Variants in RBFOX1 observed in about 807,000 individuals in gnomAD.
The protein encoded by RBFOX1 is RNA binding protein fox-1 homolog 1.
In RBFOX1, 8 loss-of-function variants were observed where a neutral mutation model predicts 57.7. The ratio of observed to expected loss-of-function variants is 0.14; its 90% CI spans 0.08 to 0.25. RBFOX1 has a LOEUF of 0.25. Ranked by LOEUF, RBFOX1 falls within the 10% of genes least tolerant of loss-of-function variation. The pLI is 1.00. For synonymous variants in RBFOX1, 326 were observed against 222.4 expected, an observed-to-expected ratio of 1.47 and a Z score of -4.15; for missense variants, 611 against 548.5, an observed-to-expected ratio of 1.11 and a Z score of -1.14.
chr16:6,615,452 C>G lies in RBFOX1; in HGVS notation c.-63-39151C>G, dbSNP rs375510654. On this transcript the variant is annotated intron_variant, in intron 2 of 15. Transcript: ENST00000550418. ...GGGTGTGCTGGTGGGTGCCTGTAAT[C>G]CCAACTACTTGGGAGGCTGAGGCAG... 1.4e-4 allele frequency among the ~76,000 whole-genome samples: 22 copies of G among 152,144 alleles called. 1 individual carries two copies. In the East Asian group the frequency reaches 3.5e-3, roughly 24 times the overall value.
At chr16:7,490,500 G>C (rs1477447338) in intron 4 of RBFOX1, among the ~76,000 whole-genome samples, 1 of 152,206 alleles carries the variant, frequency 6.6e-6, no homozygotes, top group African/African-American at 2.4e-5. Flanking sequence ...GGTTGAGTCT[G>C]ACATGGAAGG....
At chr16:5,518,507 C>G (rs1349859064) in intron 2 of RBFOX1, among the ~76,000 whole-genome samples, 1 of 152,280 alleles carries the variant, frequency 6.6e-6, no homozygotes, top group South Asian at 2.1e-4. Flanking sequence ...GAAGGACAAA[C>G]TAATTAAGTG....
chr16:7,691,222 T>G (rs2147412157), intron 14 of RBFOX1, among the ~76,000 whole-genome samples: 1 of 152,122 alleles, frequency 6.6e-6, no homozygotes, highest in South Asian at 2.1e-4. Context: ...TTGAAACAGA[T>G]GTGAATTTGT....
At chr16:6,521,164 A>T (rs1028951978) in intron 2 of RBFOX1, among the ~76,000 whole-genome samples, 2 of 152,098 alleles carry the variant, frequency 1.3e-5, no homozygotes, top group African/African-American at 4.8e-5. Flanking sequence ...AATAAATGGG[A>T]GAAGAAAAAT....
chr16:6,019,404 G>A lies in RBFOX1; in HGVS notation c.-715G>A. 1.0e-6 allele frequency: 1 copy of A among 986,650 alleles called. No homozygotes were observed. The highest frequency in any genetic ancestry group is 1.2e-6 in the Non-Finnish European group (1 of 830,910). The allele number at this position is 986,650 out of a possible 1,614,324, so 61.1% of individuals were successfully genotyped here. A position where few individuals can be genotyped will look rare whatever the true frequency, so the allele number is the denominator to read the frequency against. ...GAAGTGGTTCTCCAAGCAGCGCGGA[G>A]GGTGGCGGACGGCGGACGGAGCCCA... On this transcript the variant is annotated 5_prime_UTR_variant, in exon 1 of 16. Coordinates refer to ENST00000550418, the MANE Select transcript of RBFOX1 (RefSeq NM_018723.4). The surrounding 1 kb of genome is among the most constrained non-coding windows in gnomAD (Gnocchi z 4.2).
At chr16:7,096,931 C>CAAAAAAAAAA (rs59519427) in intron 4 of RBFOX1, among the ~76,000 whole-genome samples, 2 of 69,114 alleles carry the variant, frequency 2.9e-5, no homozygotes, top group Non-Finnish European at 5.1e-5. Flanking sequence ...GACTCCATCT[C>CAAAAAAAAAA]AAAAAAAAAA....
chr16:6,746,234 G>C (rs1002586968), intron 3 of RBFOX1, among the ~76,000 whole-genome samples: 1 of 151,900 alleles, frequency 6.6e-6, no homozygotes, highest in Non-Finnish European at 1.5e-5. Context: ...ACCCCAGCAG[G>C]CCTTTTTTTC....
intron 1 of RBFOX1, among the ~76,000 whole-genome samples, chr16:5,259,840 C>A (rs1208778968): frequency 6.6e-6 from 1 of 152,104 alleles, no homozygotes; most frequent in Non-Finnish European, 1.5e-5. Context: ...GTTTTCACTC[C>A]TGTTTAACAC....
chr16:5,906,830 G>C (rs139245448), intron 4 of RBFOX1, among the ~76,000 whole-genome samples: 2 of 147,812 alleles, frequency 1.4e-5, no homozygotes, highest in African/African-American at 5.1e-5. Flanking sequence ...CACCTCTCGG[G>C]GTCAAGCAAT....
At chr16:5,756,288 C>T (rs376555061) in intron 3 of RBFOX1, among the ~76,000 whole-genome samples, 12 of 147,236 alleles carry the variant, frequency 8.2e-5, no homozygotes, top group East Asian at 4.1e-4. Flanking sequence ...ATATGAAATG[C>T]CGTGGGGTTG....
chr16:6,325,716 G>C (rs372013512), intron 2 of RBFOX1, among the ~76,000 whole-genome samples: 1 of 152,248 alleles, frequency 6.6e-6, no homozygotes, highest in South Asian at 2.1e-4. Flanking sequence ...ACAGGAATTT[G>C]GTTTTTCCAA....
chr16:7,202,897 C>A (rs1007633777), intron 4 of RBFOX1, among the ~76,000 whole-genome samples: 13 of 151,440 alleles, frequency 8.6e-5, no homozygotes, highest in African/African-American at 3.2e-4. Context: ...AAGAAATGTT[C>A]TTTTTTTTTG....
intron 1 of RBFOX1, among the ~76,000 whole-genome samples, chr16:6,314,559 C>CAAA (rs1567916701): frequency 3.3e-5 from 5 of 152,010 alleles, no homozygotes; most frequent in Non-Finnish European, 5.9e-5. Context: ...AGGTTGTAAT[C>CAAA]GAAGGGCTAA....
At chr16:5,729,494 T>C (rs1324885835) in intron 3 of RBFOX1, among the ~76,000 whole-genome samples, 1 of 149,292 alleles carries the variant, frequency 6.7e-6, no homozygotes, top group Non-Finnish European at 1.5e-5. Flanking sequence ...GATATAAATG[T>C]AAAAATCACA....
intron 1 of RBFOX1, among the ~76,000 whole-genome samples, chr16:6,117,227 T>A (rs554059829): frequency 6.6e-6 from 1 of 152,228 alleles, no homozygotes; most frequent in African/African-American, 2.4e-5. Flanking sequence ...CACAAATTAC[T>A]ATGAGTGTGT....
At chr16:7,067,305 C>A (rs1461421271) in intron 4 of RBFOX1, among the ~76,000 whole-genome samples, 1 of 82,226 alleles carries the variant, frequency 1.2e-5, no homozygotes, top group Non-Finnish European at 3.0e-5. Context: ...TAACAAATTA[C>A]CACAAAAAAA....
Position 5,315,642 on chromosome 16 carries a change from T to C in RBFOX1, c.219+75537T>C, listed in dbSNP as rs533120937. Among the ~76,000 whole-genome samples, 4 of 152,296 alleles carry C rather than the reference T, an allele frequency of 2.6e-5. No homozygotes were observed. In the East Asian group the frequency reaches 7.7e-4, roughly 30 times the overall value. On this transcript the variant is annotated intron_variant, in intron 1 of 2. Transcript: ENST00000585867. ...GACCCTGTTTGTCACGTACAGAAAG[T>C]GCGTTTGCAAGGAATTAATTTAAGC... is the stretch of plus-strand genomic sequence containing the variant.
chr16:6,439,921 C>G (rs2094332012), intron 2 of RBFOX1, among the ~76,000 whole-genome samples: 1 of 133,328 alleles, frequency 7.5e-6, no homozygotes. Context: ...AAACAATACT[C>G]AGAAGGTCTT....
At chr16:6,346,732 G>T (rs1289659467) in intron 2 of RBFOX1, among the ~76,000 whole-genome samples, 4 of 152,162 alleles carry the variant, frequency 2.6e-5, no homozygotes, top group Non-Finnish European at 5.9e-5. Flanking sequence ...CCTTTTTGAG[G>T]TTATGATGTT....
Sources: allele counts gnomAD v4.1 joint callset (sites outside exome capture counted in the v4.1 genomes callset), GRCh38; gene constraint gnomAD v4.1.1; non-coding constraint Gnocchi (gnomAD v3.1); transcripts MANE v1.5; gene names NCBI Gene and HGNC (gene_info 2026-07-23, HGNC 2026-07-21).